The following GYPB variants were observed in gnomAD, a reference collection of about 807,000 sequenced individuals.
The protein encoded by GYPB is glycophorin B (MNS blood group).
Under a neutral mutation model 15.3 loss-of-function variants are expected in GYPB, and 13 were observed. That is an observed-to-expected ratio of 0.85 (90% CI 0.55 to 1.35). The LOEUF (loss-of-function observed/expected upper bound fraction) is 1.35, where lower values mean the gene tolerates loss of function less well. Among genes scored for constraint, GYPB ranks in the 40% most tolerant of loss-of-function variants. The pLI is 0.00. For missense variants in GYPB, 131 were observed against 108.3 expected (o/e 1.21, Z -0.93); for synonymous variants, 38 against 36.9 (o/e 1.03, Z -0.11).
chr4:143,995,510 T>A (rs536111557), downstream of GYPB, among the ~76,000 whole-genome samples: 52 of 151,248 alleles, frequency 3.4e-4, no homozygotes, highest in Non-Finnish European at 6.8e-4. Context: ...GGTCCTTTGG[T>A]TTAACCTGTC....
chr4:144,007,684 G>A (rs1315797768), intron 1 of GYPB, among the ~76,000 whole-genome samples: 9 of 151,572 alleles, frequency 5.9e-5, no homozygotes, highest in Admixed American at 5.9e-4. Flanking sequence ...TTCTATTCCT[G>A]GCTTTGCCAT....
At chr4:144,002,828 C>G in intron 1 of GYPB, 1 of 439,090 alleles carries the variant, frequency 2.3e-6, no homozygotes, top group Non-Finnish European at 4.2e-6. Context: ...ATGGAGAAGA[C>G]ATGATCTATT....
intron 1 of GYPB, among the ~76,000 whole-genome samples, chr4:144,018,242 A>G (rs563549545): frequency 6.6e-6 from 1 of 151,450 alleles, no homozygotes; most frequent in South Asian, 2.1e-4. Context: ...TGGGCCCTTA[A>G]TTTGCCTTAA....
At position 143,998,564 on chromosome 4, in the gene GYPB, A is replaced by G. The variant is rs559637803; in HGVS notation, c.175+847T>C. 6.6e-3 allele frequency among the ~76,000 whole-genome samples: 935 copies of G among 141,718 alleles called. 16 individuals are homozygous for G. Among genetic ancestry groups the G allele is most frequent in the Non-Finnish European group, 8.3e-3 (550 of 66,658 alleles). 93.0% of individuals were successfully genotyped at this position (141,718 alleles called of 152,430 possible). On this transcript the variant is annotated intron_variant, in intron 3 of 4. Transcript: ENST00000502664. ...CACGGCCAAGTGTGAAGGGAGGGTT[A>G]GAATGCAGAATAGCAAATGAGCACA...
At chr4:144,017,708 C>A (rs146040614) in intron 1 of GYPB, among the ~76,000 whole-genome samples, 1 of 151,378 alleles carries the variant, frequency 6.6e-6, no homozygotes, top group African/African-American at 2.5e-5. Context: ...GGCACACCCC[C>A]AGTAGAGTAC....
intron 3 of GYPB, among the ~76,000 whole-genome samples, chr4:143,998,396 C>A (rs1340388624): frequency 2.6e-5 from 4 of 151,296 alleles, no homozygotes; most frequent in Non-Finnish European, 5.9e-5. Flanking sequence ...ATTTATTTGC[C>A]TAATTAATAT....
chr4:143,996,276 C>G lies in GYPB; in HGVS notation c.*23G>C. On this transcript the variant is annotated 3_prime_UTR_variant, in exon 5 of 5. Coordinates refer to ENST00000502664, the MANE Select transcript of GYPB (RefSeq NM_002100.6). Reference sequence around the variant, plus strand: ...AGGTGCAGCCGGTTCTAGGCAAGATCAGGCAGCATGCAGGCCACATCCTCA... The same window carrying G: ...AGGTGCAGCCGGTTCTAGGCAAGATGAGGCAGCATGCAGGCCACATCCTCA... 6.4e-7 allele frequency: 1 copy of G among 1,550,826 alleles called. No individual in the cohort carries two copies. The highest frequency in any genetic ancestry group is 8.7e-7 in the Non-Finnish European group (1 of 1,147,140).
rs1320203700 is a variant in GYPB at position 144,009,004 on chromosome 4, T to C, written c.38-7721A>G. On this transcript the variant is annotated intron_variant, in intron 1 of 4. Coordinates refer to ENST00000502664, the MANE Select transcript of GYPB (RefSeq NM_002100.6). ...ATCTATAAAGTGAACAGCTACAGTA[T>C]GGGATATTAGCCTGAACAACTTTAG... 4.6e-5 allele frequency among the ~76,000 whole-genome samples: 7 copies of C among 151,530 alleles called. 1 individual carries two copies. Among genetic ancestry groups the C allele is most frequent in the African/African-American group, 1.7e-4 (7 of 40,808 alleles).
In GYPB at chr4:143,997,329, C is replaced by T. The variant is rs1221459539; in HGVS notation, c.270+211G>A. 3 of 422,966 alleles carry T rather than the reference C, an allele frequency of 7.1e-6. No homozygotes were observed. The Admixed American group carries it at 1.2e-4, about 17-fold the overall frequency. 26.2% of individuals were successfully genotyped at this position (422,966 alleles called of 1,614,324 possible). On this transcript the variant is annotated intron_variant, in intron 4 of 4. Transcript: ENST00000502664. ...GATCTTTCATTGGGAAAATGGGGGA[C>T]AGACTTATATTTAGAGGTTCCCTTT...
At chr4:143,997,211 T>C (rs978949669) in intron 4 of GYPB, 23 of 171,478 alleles carry the variant, frequency 1.3e-4, no homozygotes, top group Non-Finnish European at 2.6e-4. Context: ...AAATATTTTT[T>C]ACACTAATAG....
At chr4:143,997,919 G>A (rs1350976514) in intron 3 of GYPB, among the ~76,000 whole-genome samples, 1 of 151,250 alleles carries the variant, frequency 6.6e-6, no homozygotes. Context: ...CTTCACTAGT[G>A]TAACTGTAGA....
chr4:144,002,392 C>G (rs1278485936), intron 1 of GYPB, among the ~76,000 whole-genome samples: 1 of 151,352 alleles, frequency 6.6e-6, no homozygotes, highest in Non-Finnish European at 1.5e-5. Flanking sequence ...CACAGATATC[C>G]CTATGCTGTC....
rs1727298397 is a variant in GYPB, at chr4:143,996,190, G to C, written c.*109C>G. The C allele has an allele frequency of 1.3e-6, 2 of 1,543,446 alleles. No individual in the cohort carries two copies. Among genetic ancestry groups the C allele is most frequent in the East Asian group, 2.4e-5 (1 of 40,830 alleles). On this transcript the variant is annotated 3_prime_UTR_variant, in exon 5 of 5. Transcript: ENST00000502664. Reference sequence around the variant, plus strand: ...GAGAACAGGGAATTAGGATAGCCAGGGGTAGGGGCATAAGCAAAGGAATAG... The same window carrying C: ...GAGAACAGGGAATTAGGATAGCCAGCGGTAGGGGCATAAGCAAAGGAATAG...
intron 1 of GYPB, among the ~76,000 whole-genome samples, chr4:144,014,608 G>A (rs1728396245): frequency 6.6e-6 from 1 of 151,294 alleles, no homozygotes; most frequent in Non-Finnish European, 1.5e-5. Context: ...AAACAAATTA[G>A]TGGTTTCCAG....
rs185025688 is a variant in GYPB at position 144,002,736 on chromosome 4, C to T, written c.38-1453G>A. 6.2e-5 allele frequency: 79 copies of T among 1,270,962 alleles called. 5 individuals carry two copies. The African/African-American group carries it at 1.2e-3, about 20-fold the overall frequency. 78.7% of individuals were successfully genotyped at this position (1,270,962 alleles called of 1,614,324 possible). On this transcript the variant is annotated intron_variant, in intron 1 of 4. Coordinates refer to ENST00000502664, the MANE Select transcript of GYPB (RefSeq NM_002100.6). The stretch of plus-strand genomic sequence containing the variant: ...TAACAGAAAACATCTTCTCTGACAC[C>T]TCTCATTAGTCTACTCAAGGGAAGA...
chr4:144,017,949 G>T (rs113997138), intron 1 of GYPB, among the ~76,000 whole-genome samples: 1,890 of 151,016 alleles, frequency 0.013, 144 homozygotes, highest in African/African-American at 0.044. Context: ...TAATTTTCTT[G>T]TCTCTCTGAC....
chr4:143,997,765 G>A lies in GYPB; in HGVS notation c.176-131C>T, dbSNP rs1043478690. Reference sequence around the variant, plus strand: ...AAGTACAGTTAACATACTATTATGTGTATTTTGTCTTTTTTTAAATTGTGT... The same window carrying A: ...AAGTACAGTTAACATACTATTATGTATATTTTGTCTTTTTTTAAATTGTGT... On this transcript the variant is annotated intron_variant, in intron 3 of 4. Transcript: ENST00000502664. The A allele has an allele frequency of 6.5e-5, 41 of 631,060 alleles. 4 individuals carry two copies. In the African/African-American group the frequency reaches 6.8e-4, roughly 10 times the overall value. The allele number at this position is 631,060 out of a possible 1,614,324, so 39.1% of individuals were successfully genotyped here.
In GYPB at chr4:143,999,526, G is replaced by C. The variant is rs145033200; in HGVS notation, c.137-77C>G. 1.4e-3 allele frequency: 1,030 copies of C among 757,210 alleles called. 17 individuals carry two copies. The East Asian group carries it at 0.024, about 17-fold the overall frequency. 46.9% of individuals were successfully genotyped at this position (757,210 alleles called of 1,614,324 possible). A position where few individuals can be genotyped will look rare whatever the true frequency, so the allele number is the denominator to read the frequency against. ...AAAAAAATCATTTTGGAATCAAACT[G>C]TTCTGCGGGTTTCCTTTTCTTAATC... On this transcript the variant is annotated intron_variant, in intron 2 of 4. Coordinates refer to ENST00000502664, the MANE Select transcript of GYPB (RefSeq NM_002100.6).
intron 1 of GYPB, chr4:144,002,578 C>T (rs1234579954): frequency 1.6e-6 from 2 of 1,285,390 alleles, no homozygotes; most frequent in Admixed American, 2.3e-5. Flanking sequence ...TACCTTTGCT[C>T]ATCTCTTGGA....
Sources: allele counts gnomAD v4.1 joint callset (sites outside exome capture counted in the v4.1 genomes callset), GRCh38; gene constraint gnomAD v4.1.1; transcripts MANE v1.5; gene names NCBI Gene and HGNC (gene_info 2026-07-23, HGNC 2026-07-21).